Variants in GARNL3 observed in about 807,000 individuals in gnomAD.
The protein encoded by GARNL3 is GTPase-activating Rap/Ran-GAP domain-like protein 3.
GARNL3 carries 63 observed loss-of-function variants against 125.0 expected under a neutral mutation model. The ratio of observed to expected loss-of-function variants is 0.50; its 90% CI spans 0.41 to 0.62. The LOEUF is 0.62. GARNL3 is among the 20% of genes least tolerant of loss of function. GARNL3 has a pLI of 0.00. For synonymous variants in GARNL3, 439 were observed against 457.5 expected (o/e 0.96, Z 0.52); for missense variants, 994 against 1,244.0 (o/e 0.80, Z 3.02).
chr9:127,354,005 C>G, intron 18 of GARNL3, 61 bp downstream of exon 18: 1 of 1,112,054 alleles, frequency 9.0e-7, no homozygotes, highest in East Asian at 2.3e-5. Flanking sequence ...TTCTGCGGCC[C>G]ACACCACAGG....
intron 10 of GARNL3, 143 bp downstream of exon 10, chr9:127,335,476 A>G (rs1829501676): frequency 1.5e-6 from 1 of 670,346 alleles, no homozygotes; most frequent in Admixed American, 2.4e-5. Flanking sequence ...GGCGGTCTGT[A>G]TTGGAACTTT....
upstream of GARNL3, among the ~76,000 whole-genome samples, chr9:127,259,948 G>A (rs1360797002): frequency 2.0e-5 from 3 of 152,102 alleles, no homozygotes; most frequent in African/African-American, 4.8e-5. Context: ...TAGGAGGATC[G>A]CTTAAACCCA....
chr9:127,356,642 T>C (rs539533644), intron 20 of GARNL3: 2 of 152,426 alleles, frequency 1.3e-5, no homozygotes, highest in Admixed American at 6.5e-5. Flanking sequence ...GTTAGCTTTC[T>C]TCCTATAGTG....
At chr9:127,233,289 T>A (rs149811214) in intron 1 of GARNL3, among the ~76,000 whole-genome samples, 346 of 152,352 alleles carry the variant, frequency 2.3e-3, no homozygotes, top group Middle Eastern at 0.017. Flanking sequence ...TTGGGTTCCA[T>A]GGTCATCCTT....
intron 2 of GARNL3, among the ~76,000 whole-genome samples, chr9:127,307,155 A>G (rs902939367): frequency 3.9e-5 from 6 of 152,148 alleles, no homozygotes; most frequent in African/African-American, 1.4e-4. Context: ...ATAAAGTTAT[A>G]TTTGTTTTGC....
chr9:127,369,645 G>A (rs1010559526), intron 22 of GARNL3, among the ~76,000 whole-genome samples: 3 of 152,198 alleles, frequency 2.0e-5, no homozygotes, highest in Admixed American at 6.5e-5. Flanking sequence ...AAGAGCGGGC[G>A]TCTCTGGAAA....
chr9:127,321,037 C>T (rs1455492381), intron 6 of GARNL3, among the ~76,000 whole-genome samples: 1 of 152,198 alleles, frequency 6.6e-6, no homozygotes, highest in African/African-American at 2.4e-5. Context: ...GAACTGTCCT[C>T]AATCCACGAA....
chr9:127,229,247 C>T (rs2062962682), intron 1 of GARNL3, among the ~76,000 whole-genome samples: 1 of 152,190 alleles, frequency 6.6e-6, no homozygotes, highest in Non-Finnish European at 1.5e-5. Context: ...CAAATTACCT[C>T]ACAACCCTGA....
At chr9:127,328,740 AGTTT>A (rs1010982472) in intron 7 of GARNL3, among the ~76,000 whole-genome samples, 5 of 152,132 alleles carry the variant, frequency 3.3e-5, no homozygotes, top group African/African-American at 1.2e-4. Context: ...TTCCCCCCAT[AGTTT>A]GTTTTTCTCA....
Position 127,385,451 on chromosome 9 carries a change from G to C in GARNL3, c.2388+306G>C, listed in dbSNP as rs1471963513. 1.3e-5 allele frequency among the ~76,000 whole-genome samples: 2 copies of C among 152,182 alleles called. No individual in the cohort carries two copies. Among genetic ancestry groups the C allele is most frequent in the African/African-American group, 4.8e-5 (2 of 41,442 alleles). ...GACTGGGTCAGTTATTCATGTCACTGCTGCCCTGGAGGACAGTCCAAGTCT... is the reference window on the plus strand; with the variant it reads ...GACTGGGTCAGTTATTCATGTCACTCCTGCCCTGGAGGACAGTCCAAGTCT... On this transcript the variant is annotated intron_variant, in intron 24 of 27. Transcript: ENST00000373387. This position sits in a 1 kb window ranked among gnomAD's most constrained non-coding sequence, Gnocchi z 4.1.
At chr9:127,318,984 G>A (rs2065318458) in intron 5 of GARNL3, among the ~76,000 whole-genome samples, 1 of 152,166 alleles carries the variant, frequency 6.6e-6, no homozygotes, top group Non-Finnish European at 1.5e-5. Context: ...AGCTTGGGCT[G>A]TTTAACCACT....
At chr9:127,326,835 A>G (rs536704166) in intron 7 of GARNL3, among the ~76,000 whole-genome samples, 2 of 152,264 alleles carry the variant, frequency 1.3e-5, no homozygotes, top group African/African-American at 2.4e-5. Context: ...CCACATGGGC[A>G]TGTAGCAAGA....
chr9:127,243,413 T>C (rs1284730862), intron 2 of GARNL3, among the ~76,000 whole-genome samples: 2 of 152,222 alleles, frequency 1.3e-5, no homozygotes, highest in Admixed American at 6.5e-5. Context: ...TTCTTATTTG[T>C]GTATTTAGTA....
At chr9:127,358,317 C>T (rs1316645422) in intron 21 of GARNL3, among the ~76,000 whole-genome samples, 2 of 152,186 alleles carry the variant, frequency 1.3e-5, no homozygotes, top group Non-Finnish European at 2.9e-5. Flanking sequence ...GTCAGTGAGC[C>T]ATTGAGGTTT....
At chr9:127,339,960 C>T (rs1214757322) in intron 13 of GARNL3, among the ~76,000 whole-genome samples, 1 of 152,136 alleles carries the variant, frequency 6.6e-6, no homozygotes. Flanking sequence ...TGTCACCTGC[C>T]TTGAAGCTTC....
chr9:127,225,787 C>T (rs982265720), intron 1 of GARNL3, among the ~76,000 whole-genome samples: 1 of 150,398 alleles, frequency 6.6e-6, no homozygotes, highest in African/African-American at 2.4e-5. Flanking sequence ...AGCCGCACAC[C>T]TGCTGCCTCC....
rs372166937 is a variant in GARNL3, at chr9:127,311,704, C to G, written c.288C>G (p.Thr96=). The G allele has an allele frequency of 1.9e-6, 3 of 1,611,610 alleles. No individual in the cohort carries two copies. Among genetic ancestry groups the G allele is most frequent in the African/African-American group, 1.3e-5 (1 of 74,856 alleles). ...DVHLENPEYH[T]RWYFKYFLGQ... ...ACTTAGAGAACCCAGAATACCACACCAGATGGTATTTCAAATATTTTTTAG... is the reference window on the plus strand; with the variant it reads ...ACTTAGAGAACCCAGAATACCACACGAGATGGTATTTCAAATATTTTTTAG... The change falls in exon 3 of 28, where the codon ACC becomes ACG. Residue 96 remains threonine, a synonymous_variant. Transcript: ENST00000373387.
At position 127,280,047 on chromosome 9, in the gene GARNL3, C is replaced by A. The variant is rs978596401; in HGVS notation, c.145-11121C>A. On this transcript the variant is annotated intron_variant, in intron 1 of 27. Coordinates refer to ENST00000373387, the MANE Select transcript of GARNL3 (RefSeq NM_032293.5). The surrounding 1 kb of genome is among the most constrained non-coding windows in gnomAD (Gnocchi z 4.5). ...CAGCGGCTCTAGAATTTATACATAA[C>A]AGGGGCTTAGGAACTACCAGTAGCA... Among the ~76,000 whole-genome samples, 7 of 152,286 alleles carry A rather than the reference C, an allele frequency of 4.6e-5. No homozygotes were observed. The highest frequency in any genetic ancestry group is 2.6e-4 in the Admixed American group (4 of 15,302).
intron 1 of GARNL3, among the ~76,000 whole-genome samples, chr9:127,225,072 G>C (rs1426088615): frequency 6.8e-6 from 1 of 146,276 alleles, no homozygotes; most frequent in East Asian, 2.0e-4. Flanking sequence ...TCGCGGGGCG[G>C]GGCTTGGGCC....
Sources: gnomAD v4.1 joint callset for allele counts (sites outside exome capture counted in the v4.1 genomes callset) on GRCh38, gnomAD v4.1.1 for gene constraint, Gnocchi (gnomAD v3.1) non-coding constraint, MANE v1.5 for transcripts, NCBI Gene and HGNC (gene_info 2026-07-23, HGNC 2026-07-21) for gene names.